UNC79: variants seen among roughly 807,000 people sequenced by gnomAD.
UNC79 encodes unc-79 subunit of NALCN channel complex.
A neutral mutation model predicts 283.1 loss-of-function variants in UNC79; 37 were observed. That is an observed-to-expected ratio of 0.13 (90% CI 0.10 to 0.17). The LOEUF (loss-of-function observed/expected upper bound fraction) is 0.17, where lower values mean the gene tolerates loss of function less well. Among genes scored for constraint, UNC79 ranks in the 10% least tolerant of loss-of-function variants. The probability of loss-of-function intolerance (pLI) is 1.00; values close to 1 mark genes in which losing one functional copy is unlikely to be tolerated. For missense variants in UNC79, 2,272 were observed against 3,211.1 expected, an observed-to-expected ratio of 0.71 and a Z score of 7.07; for synonymous variants, 1,107 against 1,200.2, an observed-to-expected ratio of 0.92 and a Z score of 1.61.
chr14:93,586,643 G>A (rs748812028), exon 21 of UNC79: 4 of 1,613,736 alleles, frequency 2.5e-6, no homozygotes, highest in African/African-American at 2.7e-5. Context: ...ACAGCTTCCG[G>A]TAACATTGAG....
intron 1 of UNC79, among the ~76,000 whole-genome samples, chr14:93,420,199 A>G (rs1361594065): frequency 2.0e-5 from 3 of 151,360 alleles, no homozygotes; most frequent in African/African-American, 7.2e-5. Context: ...AAAAGACCCA[A>G]TGATCTGTTG....
At chr14:93,557,617 A>AACATTTCC (rs1198703587) in intron 14 of UNC79, among the ~76,000 whole-genome samples, 1 of 152,144 alleles carries the variant, frequency 6.6e-6, no homozygotes, top group East Asian at 1.9e-4. Flanking sequence ...ACATAACCTA[A>AACATTTCC]ACATTTCCGC....
At chr14:93,336,403 G>A (rs899795857) in intron 1 of UNC79, among the ~76,000 whole-genome samples, 40 of 151,768 alleles carry the variant, frequency 2.6e-4, no homozygotes, top group African/African-American at 9.4e-4. Flanking sequence ...GTGCAATGAC[G>A]CAATCTCAGC....
intron 41 of UNC79, among the ~76,000 whole-genome samples, chr14:93,680,107 C>T (rs1163304168): frequency 6.6e-6 from 1 of 152,088 alleles, no homozygotes; most frequent in Non-Finnish European, 1.5e-5. Flanking sequence ...ACCTCCTTTA[C>T]TTTTAGGGTG....
intron 47 of UNC79, among the ~76,000 whole-genome samples, chr14:93,694,984 A>T (rs1312843328): frequency 1.3e-5 from 2 of 152,218 alleles, no homozygotes; most frequent in Non-Finnish European, 2.9e-5. Context: ...TATAAAAGAA[A>T]TTCAAGCATT....
intron 1 of UNC79, among the ~76,000 whole-genome samples, chr14:93,362,782 T>G (rs146438258): frequency 2.0e-5 from 3 of 152,304 alleles, no homozygotes; most frequent in Admixed American, 1.3e-4. Context: ...CACAGAAGTG[T>G]TTGTAATAGT....
intron 42 of UNC79, 140 bp downstream of exon 45, chr14:93,682,834 A>T: frequency 1.4e-6 from 1 of 712,364 alleles, no homozygotes; most frequent in South Asian, 2.0e-5. Flanking sequence ...TTTAACCTAT[A>T]ATTCTTTGAT....
intron 8 of UNC79, among the ~76,000 whole-genome samples, chr14:93,525,847 C>T (rs184472727): frequency 3.5e-4 from 54 of 152,200 alleles, no homozygotes; most frequent in African/African-American, 1.3e-3. Flanking sequence ...TTTCTGGCCT[C>T]CTACTCACAG....
intron 1 of UNC79, among the ~76,000 whole-genome samples, chr14:93,452,417 G>A (rs1472588818): frequency 9.2e-6 from 1 of 108,298 alleles, no homozygotes; most frequent in Non-Finnish European, 1.8e-5. Context: ...TTTTGCTCTT[G>A]TCACCCAGGC....
At chr14:93,341,604 CAAA>C (rs952789518) in intron 1 of UNC79, among the ~76,000 whole-genome samples, 6 of 62,726 alleles carry the variant, frequency 9.6e-5, no homozygotes, top group African/African-American at 1.3e-4. Flanking sequence ...TCTGTCTCTA[CAAA>C]AAAAAAAAAA....
In UNC79 at chr14:93,451,574, G is replaced by A. The variant is rs190346806; in HGVS notation, c.23-16097G>A. Among the ~76,000 whole-genome samples the A allele has an allele frequency of 4.9e-4, 74 of 152,250 alleles. No individual in the cohort carries two copies. In the East Asian group the frequency reaches 0.012, roughly 25 times the overall value. On this transcript the variant is annotated intron_variant, in intron 1 of 48. Transcript: ENST00000555664. ...AGACCCTCTGATGTGTCTCTCTTCC[G>A]GCAATGAACTTCAGATATTCTGAGT... is the stretch of plus-strand genomic sequence containing the variant.
chr14:93,347,150 G>A, intron 1 of UNC79: 3 of 1,217,218 alleles, frequency 2.5e-6, no homozygotes, highest in East Asian at 5.3e-5. Context: ...AGGGCAGAGC[G>A]CCCCCTCGTG....
chr14:93,658,106 A>G lies in UNC79; in HGVS notation c.6457-1087A>G, dbSNP rs147659778. Reference sequence around the variant, plus strand: ...GTGGTTCCCTTAGAAGGCACTTGTGAAATACTTTCAAAATCTGTGTAAGAA... The same window carrying G: ...GTGGTTCCCTTAGAAGGCACTTGTGGAATACTTTCAAAATCTGTGTAAGAA... On this transcript the variant is annotated intron_variant, in intron 38 of 48. Coordinates refer to ENST00000555664, the Ensembl canonical transcript of UNC79. Among the ~76,000 whole-genome samples the G allele has an allele frequency of 4.9e-3, 741 of 152,332 alleles. 5 individuals are homozygous for G. Among genetic ancestry groups the G allele is most frequent in the Non-Finnish European group, 7.7e-3 (522 of 68,018 alleles).
intron 37 of UNC79, 92 bp from the exon 41 acceptor site, chr14:93,655,142 A>G (rs2070781736): frequency 1.4e-6 from 2 of 1,431,604 alleles, no homozygotes; most frequent in African/African-American, 1.4e-5. Context: ...TTATAGCCTG[A>G]AGATGTGACT....
chr14:93,404,517 T>TATATATATATATATATATATAA (rs2055186487), intron 1 of UNC79, among the ~76,000 whole-genome samples: 1 of 126,666 alleles, frequency 7.9e-6, no homozygotes, highest in Non-Finnish European at 1.7e-5. Context: ...TATATATAAA[T>TATATATATATATATATATATAA]ATATACATAT....
intron 1 of UNC79, among the ~76,000 whole-genome samples, chr14:93,379,872 TA>T (rs559274027): frequency 3.3e-5 from 5 of 152,032 alleles, no homozygotes; most frequent in African/African-American, 9.7e-5. Context: ...ATAAAAATAA[TA>T]AAAAAATTTG....
intron 14 of UNC79, among the ~76,000 whole-genome samples, chr14:93,564,235 A>G (rs933852635): frequency 6.6e-6 from 1 of 152,198 alleles, no homozygotes; most frequent in South Asian, 2.1e-4. Context: ...GAAAGGATTT[A>G]GGATCTATGG....
chr14:93,344,856 G>A lies in UNC79; in HGVS notation c.-351+11333G>A, dbSNP rs1595367968. Among the ~76,000 whole-genome samples, 5 of 152,318 alleles carry A rather than the reference G, an allele frequency of 3.3e-5. 1 individual carries two copies. Among genetic ancestry groups the A allele is most frequent in the African/African-American group, 1.2e-4 (5 of 41,576 alleles). On this transcript the variant is annotated intron_variant, in intron 1 of 49. Transcript: ENST00000256339. Reference sequence around the variant, plus strand: ...GAGGTGGCCAGCCATGGTTCATGCAGGTCCTTGATTGGTTAGGGTAAGATT... The same window carrying A: ...GAGGTGGCCAGCCATGGTTCATGCAAGTCCTTGATTGGTTAGGGTAAGATT...
intron 44 of UNC79, chr14:93,689,236 C>G (rs1182235229): frequency 5.6e-6 from 1 of 178,456 alleles, no homozygotes; most frequent in Non-Finnish European, 1.2e-5. Context: ...CAAGATTGTA[C>G]AAGCCCCTGG....
Sources: gnomAD v4.1 joint callset for allele counts (sites outside exome capture counted in the v4.1 genomes callset) on GRCh38, gnomAD v4.1.1 for gene constraint, MANE v1.5 for transcripts, NCBI Gene and HGNC (gene_info 2026-07-23, HGNC 2026-07-21) for gene names.